CDH13: variants seen among roughly 807,000 people sequenced by gnomAD.
The protein encoded by CDH13 is cadherin 13, also known as cadherin-13.
In CDH13, 24 loss-of-function variants were observed where a neutral mutation model predicts 63.8. The observed-to-expected ratio is 0.38, with a 90% CI of 0.27 to 0.53. The LOEUF (loss-of-function observed/expected upper bound fraction) is 0.53, where lower values mean the gene tolerates loss of function less well. Among genes scored for constraint, CDH13 ranks in the 20% least tolerant of loss-of-function variants. The pLI is 0.85. For missense variants in CDH13, 1,049 were observed against 903.1 expected, an observed-to-expected ratio of 1.16 and a Z score of -2.07; for synonymous variants, 503 against 355.3, an observed-to-expected ratio of 1.42 and a Z score of -4.67.
intron 3 of CDH13, among the ~76,000 whole-genome samples, chr16:83,123,853 G>C (rs946605824): frequency 2.0e-5 from 3 of 152,048 alleles, no homozygotes; most frequent in Admixed American, 6.5e-5. Context: ...TTTCTCTTCA[G>C]CCTCACCAAT....
intron 1 of CDH13, among the ~76,000 whole-genome samples, chr16:82,731,242 T>C (rs1033789691): frequency 1.3e-5 from 2 of 152,214 alleles, no homozygotes; most frequent in Non-Finnish European, 2.9e-5. Flanking sequence ...CCGAACCCTC[T>C]GTTGCAATTA....
intron 5 of CDH13, among the ~76,000 whole-genome samples, chr16:83,271,978 A>C (rs1442922824): frequency 1.3e-5 from 2 of 152,188 alleles, no homozygotes; most frequent in Non-Finnish European, 2.9e-5. Context: ...CATAATGGTA[A>C]TAAACATTTG....
chr16:83,728,707 A>G (rs1321243876), intron 10 of CDH13, among the ~76,000 whole-genome samples: 1 of 152,204 alleles, frequency 6.6e-6, no homozygotes, highest in Non-Finnish European at 1.5e-5. Flanking sequence ...ATGTTTATAT[A>G]TTAGGTTGGG....
At chr16:83,458,265 C>G (rs1050579044) in intron 6 of CDH13, among the ~76,000 whole-genome samples, 4 of 152,176 alleles carry the variant, frequency 2.6e-5, no homozygotes, top group Admixed American at 1.3e-4. Flanking sequence ...CTTTGTTGAT[C>G]TGTTATTGTT....
At chr16:83,627,483 C>T (rs1910417042) in intron 8 of CDH13, among the ~76,000 whole-genome samples, 3 of 152,190 alleles carry the variant, frequency 2.0e-5, no homozygotes, top group Admixed American at 2.0e-4. Context: ...GGACTTTTAT[C>T]TTTCCTCATC....
chr16:83,602,412 A>C (rs1907935823), intron 7 of CDH13, 42 bp from the exon 8 acceptor site: 1 of 1,612,096 alleles, frequency 6.2e-7, no homozygotes, highest in Admixed American at 1.7e-5. Flanking sequence ...CAGTAACCCA[A>C]ATCTAAATGT....
intron 8 of CDH13, among the ~76,000 whole-genome samples, chr16:83,633,166 C>G (rs1910934249): frequency 6.6e-6 from 1 of 151,800 alleles, no homozygotes; most frequent in South Asian, 2.1e-4. Flanking sequence ...GACCTCCTAT[C>G]TCATCCTGTG....
chr16:82,814,797 C>A (rs914346232), intron 1 of CDH13, among the ~76,000 whole-genome samples: 1 of 152,178 alleles, frequency 6.6e-6, no homozygotes, highest in Non-Finnish European at 1.5e-5. Context: ...CAGGCCACAA[C>A]CTGGGCCTTG....
intron 6 of CDH13, among the ~76,000 whole-genome samples, chr16:83,364,464 C>G (rs918703664): frequency 5.9e-5 from 9 of 152,144 alleles, no homozygotes; most frequent in Admixed American, 5.2e-4. Context: ...GGACCTGAAC[C>G]TAGTACACAG....
chr16:82,948,701 G>C (rs1164383295), intron 2 of CDH13, among the ~76,000 whole-genome samples: 1 of 152,102 alleles, frequency 6.6e-6, no homozygotes, highest in South Asian at 2.1e-4. Context: ...AGAATGCCTT[G>C]TTTTTAAATT....
At chr16:82,955,483 C>A (rs750428052) in intron 2 of CDH13, among the ~76,000 whole-genome samples, 4 of 152,226 alleles carry the variant, frequency 2.6e-5, no homozygotes, top group Non-Finnish European at 5.9e-5. Flanking sequence ...GTTAACCCTA[C>A]TGGGTGTAGT....
intron 7 of CDH13, among the ~76,000 whole-genome samples, chr16:83,508,105 A>AAGGG (rs2074455863): frequency 1.4e-5 from 1 of 69,432 alleles, no homozygotes; most frequent in African/African-American, 5.1e-5. Context: ...GGAAAGAAGG[A>AAGGG]AGGAAAAGGA....
At chr16:83,731,726 G>T (rs574910217) in intron 10 of CDH13, among the ~76,000 whole-genome samples, 208 of 152,256 alleles carry the variant, frequency 1.4e-3, no homozygotes, top group African/African-American at 4.7e-3. Flanking sequence ...TATTTCCTAG[G>T]TTTTTTCCAG....
chr16:82,789,800 C>T (rs947389302), intron 1 of CDH13, among the ~76,000 whole-genome samples: 3 of 152,152 alleles, frequency 2.0e-5, no homozygotes, highest in Non-Finnish European at 4.4e-5. Flanking sequence ...TTTTGAGAGC[C>T]TTCATGTCTC....
At chr16:82,722,863 G>A (rs1490586021) in intron 1 of CDH13, among the ~76,000 whole-genome samples, 1 of 152,186 alleles carries the variant, frequency 6.6e-6, no homozygotes, top group Non-Finnish European at 1.5e-5. Context: ...TGATTTGATG[G>A]CATGTCCAGC....
intron 3 of CDH13, among the ~76,000 whole-genome samples, chr16:83,101,260 T>C (rs112396660): frequency 8.4e-4 from 126 of 150,620 alleles, no homozygotes; most frequent in African/African-American, 3.0e-3. Flanking sequence ...TATATACTTA[T>C]GTATACATAT....
chr16:83,030,512 A>G (rs1916204481), intron 2 of CDH13, among the ~76,000 whole-genome samples: 1 of 151,898 alleles, frequency 6.6e-6, no homozygotes, highest in African/African-American at 2.4e-5. Flanking sequence ...GCATGATGGC[A>G]TGCATCTGTA....
At chr16:83,710,738 A>G (rs530917957) in intron 10 of CDH13, among the ~76,000 whole-genome samples, 178 of 152,310 alleles carry the variant, frequency 1.2e-3, no homozygotes, top group Non-Finnish European at 1.9e-3. Context: ...GTTAAAGTTC[A>G]TGTGTGAAGC....
At chr16:83,232,287 A>C (rs1467689038) in intron 5 of CDH13, among the ~76,000 whole-genome samples, 2 of 143,122 alleles carry the variant, frequency 1.4e-5, no homozygotes, top group African/African-American at 2.6e-5. Flanking sequence ...TGCCTTGGGA[A>C]GCTGAGGCGA....
Sources: gnomAD v4.1 joint callset for allele counts (sites outside exome capture counted in the v4.1 genomes callset) on GRCh38, gnomAD v4.1.1 for gene constraint, MANE v1.5 for transcripts, NCBI Gene and HGNC (gene_info 2026-07-23, HGNC 2026-07-21) for gene names.